Variants in ITGA2 observed in about 807,000 individuals in gnomAD.
The protein encoded by ITGA2 is integrin subunit alpha 2.
A neutral mutation model predicts 146.3 loss-of-function variants in ITGA2; 101 were observed. The ratio of observed to expected loss-of-function variants is 0.69; its 90% CI spans 0.59 to 0.81. ITGA2 has a LOEUF of 0.81. Among genes scored for constraint, ITGA2 ranks in the 40% least tolerant of loss-of-function variants. The pLI is 0.00. For synonymous variants in ITGA2, 477 were observed against 487.1 expected, an observed-to-expected ratio of 0.98 and a Z score of 0.27; for missense variants, 1,281 against 1,402.7, an observed-to-expected ratio of 0.91 and a Z score of 1.39.
chr5:53,050,653 C>T (rs990043298), intron 6 of ITGA2, among the ~76,000 whole-genome samples: 2 of 152,156 alleles, frequency 1.3e-5, no homozygotes, highest in African/African-American at 4.8e-5. Flanking sequence ...TCTGGAAAGC[C>T]CATCTCCTAG....
At chr5:53,061,514 A>G (rs1405796583) in intron 12 of ITGA2, among the ~76,000 whole-genome samples, 1 of 151,966 alleles carries the variant, frequency 6.6e-6, no homozygotes, top group African/African-American at 2.4e-5. Flanking sequence ...CTGAACTTTT[A>G]CATCTGAACC....
intron 24 of ITGA2, among the ~76,000 whole-genome samples, 177 bp from the exon 25 acceptor site, chr5:53,080,334 C>T (rs571030721): frequency 6.6e-6 from 1 of 152,182 alleles, no homozygotes; most frequent in African/African-American, 2.4e-5. Context: ...GGCATAAATG[C>T]GTTTTAAGAG....
At chr5:53,072,819 T>C in intron 19 of ITGA2, 124 bp downstream of exon 19, 2 of 846,796 alleles carry the variant, frequency 2.4e-6, no homozygotes, top group Non-Finnish European at 3.7e-6. Context: ...TAAATACCTT[T>C]AAAAACTAAA....
intron 1 of ITGA2, among the ~76,000 whole-genome samples, chr5:53,008,404 A>G (rs1579790489): frequency 6.6e-6 from 1 of 150,768 alleles, no homozygotes; most frequent in Admixed American, 6.7e-5. Context: ...GTCTCCAAAT[A>G]CAATCACATT....
At chr5:53,054,276 T>C (rs1744525103) in intron 7 of ITGA2, among the ~76,000 whole-genome samples, 2 of 152,204 alleles carry the variant, frequency 1.3e-5, no homozygotes, top group African/African-American at 2.4e-5. Flanking sequence ...TCTAAGGTCT[T>C]CTCATTTCAT....
At chr5:53,001,813 T>TA (rs34186143) in intron 1 of ITGA2, among the ~76,000 whole-genome samples, 20,016 of 110,150 alleles carry the variant, frequency 0.18, 2,053 homozygotes, top group Middle Eastern at 0.28. Flanking sequence ...AGGCCCTTTC[T>TA]AAAAAAAAAA....
At position 53,062,901 on chromosome 5, in the gene ITGA2, G is replaced by A. The variant is rs745795515; in HGVS notation, c.1574G>A (p.Gly525Glu). 6.2e-7 allele frequency: 1 copy of A among 1,610,016 alleles called. No homozygotes were observed. Among genetic ancestry groups the A allele is most frequent in the South Asian group, 1.1e-5 (1 of 90,936 alleles). Reference sequence around the variant, plus strand: ...ATGAGTGACCTAAAGAAAGAGGAAGGAAGAGTCTACCTGTTTACTATCAAA... The same window carrying A: ...ATGAGTGACCTAAAGAAAGAGGAAGAAAGAGTCTACCTGTTTACTATCAAA... ...MYMSDLKKEE[G>E]RVYLFTIKEG... Residue 525 changes from glycine to glutamate, a missense_variant, in exon 13 of 30, where the codon GGA becomes GAA. Gly to Glu is a moderately conservative substitution (Grantham distance 98). Coordinates refer to ENST00000296585, the MANE Select transcript of ITGA2 (RefSeq NM_002203.4).
Position 53,090,547 on chromosome 5 carries a change from A to T in ITGA2, c.3494A>T (p.Lys1165Met). ...KLGFFKRKYE[K>M]MTKNPDEIDE... ...GGCTTCTTCAAAAGAAAATATGAAA[A>T]GATGACCAAAAATCCAGATGAGATT... Residue 1165 changes from lysine (K) to methionine (M), a missense_variant, in exon 30 of 30, where the codon AAG becomes ATG. Coordinates refer to ENST00000296585, the MANE Select transcript of ITGA2 (RefSeq NM_002203.4). 6.2e-7 allele frequency: 1 copy of T among 1,614,092 alleles called. No homozygotes were observed. The highest frequency in any genetic ancestry group is 1.7e-4 in the Middle Eastern group (1 of 6,060).
intron 26 of ITGA2, among the ~76,000 whole-genome samples, chr5:53,082,934 AG>A (rs1230964916): frequency 6.6e-6 from 1 of 152,194 alleles, no homozygotes; most frequent in African/African-American, 2.4e-5. Context: ...GACAAATTGT[AG>A]TACATTTTGT....
At chr5:53,025,157 T>C (rs943648017) in intron 1 of ITGA2, among the ~76,000 whole-genome samples, 1 of 152,224 alleles carries the variant, frequency 6.6e-6, no homozygotes, top group Non-Finnish European at 1.5e-5. Flanking sequence ...TGTTAGATGA[T>C]TGATAACATA....
Position 53,091,064 on chromosome 5 carries a change from T to C in ITGA2, c.*465T>C, listed in dbSNP as rs1021854035. ...CCACTTGTGTATATTTTAATGAATA[T>C]TGATGTTAACAAGAGGGGAAAACAA... On this transcript the variant is annotated 3_prime_UTR_variant, in exon 30 of 30. Transcript: ENST00000296585. The C allele has an allele frequency of 1.2e-4, 32 of 268,520 alleles. No individual in the cohort carries two copies. Among genetic ancestry groups the C allele is most frequent in the Non-Finnish European group, 2.1e-4 (31 of 145,958 alleles). The allele number at this position is 268,520 out of a possible 1,614,324, so 16.6% of individuals were successfully genotyped here.
chr5:53,075,837 C>T lies in ITGA2; in HGVS notation c.2825+533C>T, dbSNP rs536571531. 5.9e-5 allele frequency among the ~76,000 whole-genome samples: 9 copies of T among 152,096 alleles called. No individual in the cohort carries two copies. In the East Asian group the frequency reaches 1.6e-3, roughly 26 times the overall value. On this transcript the variant is annotated intron_variant, in intron 23 of 29. Transcript: ENST00000296585. The stretch of plus-strand genomic sequence containing the variant: ...TAGTTTCTGAGGGAAAAATTCCTCA[C>T]ATATCAGATTAGGGTTTTCTTCCAG...
chr5:53,048,273 G>A, intron 4 of ITGA2, 90 bp from the exon 5 acceptor site: 2 of 939,008 alleles, frequency 2.1e-6, no homozygotes, highest in Middle Eastern at 4.3e-4. Flanking sequence ...TTAGAAAAGA[G>A]TAGAGATGAT....
At chr5:53,090,386 A>T in intron 29 of ITGA2, 133 bp from the exon 30 acceptor site, 1 of 763,598 alleles carries the variant, frequency 1.3e-6, no homozygotes, top group Non-Finnish European at 2.4e-6. Flanking sequence ...TCAGGTCATC[A>T]GTCTGCACAC....
At position 53,065,920 on chromosome 5, in the gene ITGA2, A is replaced by G. The variant is rs1441408323; in HGVS notation, c.1886A>G (p.Asn629Ser). 1.6e-5 allele frequency: 25 copies of G among 1,612,112 alleles called. No individual in the cohort carries two copies. Among genetic ancestry groups the G allele is most frequent in the East Asian group, 4.5e-5 (2 of 44,784 alleles). ...TCCTTGGATGGCTATGGAGATTTAA[A>G]TGGGGATTCCATCACCGATGTGTCT... ...GRSLDGYGDL[N>S]GDSITDVSIG... The change falls in exon 15 of 30, where the codon AAT becomes AGT. Residue 629 changes from asparagine (N) to serine (S), a missense_variant. Around this residue, in one of 3 missense-constraint regions of ITGA2, gnomAD observed 795 missense variants for 841.7 expected, o/e 0.94. Transcript: ENST00000296585.
At chr5:53,078,746 T>C (rs201764792) in intron 23 of ITGA2, 26 bp from the exon 24 acceptor site, 40 of 1,288,184 alleles carry the variant, frequency 3.1e-5, no homozygotes, top group Non-Finnish European at 4.3e-5. Flanking sequence ...ACTAAAATAT[T>C]TGGCTTTACA....
chr5:53,060,870 G>A (rs768304335), intron 11 of ITGA2, 31 bp from the exon 12 acceptor site: 2 of 1,607,132 alleles, frequency 1.2e-6, no homozygotes, highest in East Asian at 2.2e-5. Flanking sequence ...GATAGTCAAT[G>A]TTAATCACTC....
At chr5:53,023,226 T>A (rs10058636) in intron 1 of ITGA2, among the ~76,000 whole-genome samples, 1 of 152,178 alleles carries the variant, frequency 6.6e-6, no homozygotes, top group Non-Finnish European at 1.5e-5. Flanking sequence ...ATGTATAGAT[T>A]AATGAAGCAA....
chr5:53,077,620 A>G (rs1745720887), intron 23 of ITGA2, among the ~76,000 whole-genome samples: 1 of 152,082 alleles, frequency 6.6e-6, no homozygotes, highest in Admixed American at 6.6e-5. Flanking sequence ...CACACATCCA[A>G]GCTTTCTGTT....
Sources: allele counts gnomAD v4.1 joint callset (sites outside exome capture counted in the v4.1 genomes callset), GRCh38; gene constraint gnomAD v4.1.1; regional missense constraint gnomAD v4.1.1; transcripts MANE v1.5; gene names NCBI Gene and HGNC (gene_info 2026-07-23, HGNC 2026-07-21).